SHISA6: variants seen among roughly 807,000 people sequenced by gnomAD.
SHISA6 encodes shisa family member 6, also known as protein shisa-6.
A neutral mutation model predicts 47.9 loss-of-function variants in SHISA6; 22 were observed. That is an observed-to-expected ratio of 0.46 (90% confidence interval 0.33 to 0.66). SHISA6 has a LOEUF of 0.66. SHISA6 is among the 30% of genes least tolerant of loss of function. The pLI, the probability that SHISA6 is intolerant of heterozygous loss-of-function variation, is 0.02. For synonymous variants in SHISA6, 388 were observed against 337.8 expected (o/e 1.15, Z -1.63); for missense variants, 680 against 764.6 (o/e 0.89, Z 1.30).
intron 4 of SHISA6, 25 bp downstream of exon 4, chr17:11,551,977 G>A (rs2071935745): frequency 6.5e-7 from 1 of 1,550,210 alleles, no homozygotes; most frequent in Admixed American, 2.0e-5. Flanking sequence ...AGAGCACTCT[G>A]CATTTCCTCC....
intron 2 of SHISA6, among the ~76,000 whole-genome samples, chr17:11,345,408 A>G (rs1270742440): frequency 6.6e-6 from 1 of 152,138 alleles, no homozygotes; most frequent in Non-Finnish European, 1.5e-5. Context: ...TTGAAATTGG[A>G]AAGTATTAGT....
chr17:11,480,937 T>C (rs902064046), intron 3 of SHISA6, among the ~76,000 whole-genome samples: 18 of 152,052 alleles, frequency 1.2e-4, no homozygotes, highest in East Asian at 1.9e-4. Flanking sequence ...AAATAGAGTA[T>C]ATAAAAACAT....
At chr17:11,480,725 G>A (rs1916189463) in intron 3 of SHISA6, among the ~76,000 whole-genome samples, 1 of 152,198 alleles carries the variant, frequency 6.6e-6, no homozygotes, top group African/African-American at 2.4e-5. Flanking sequence ...TTGTCCACCT[G>A]CTCCTGAGCT....
chr17:11,314,685 A>G (rs1478139423), intron 2 of SHISA6, among the ~76,000 whole-genome samples: 1 of 151,188 alleles, frequency 6.6e-6, no homozygotes, highest in Non-Finnish European at 1.5e-5. Flanking sequence ...ACAGCTGACC[A>G]CCTCCACGCC....
chr17:11,277,258 TC>T (rs1242808002), intron 2 of SHISA6, among the ~76,000 whole-genome samples: 1 of 100,296 alleles, frequency 1.0e-5, no homozygotes, highest in Non-Finnish European at 1.9e-5. Context: ...TCTCTCTCTC[TC>T]TCTCTCTCTC....
intron 2 of SHISA6, among the ~76,000 whole-genome samples, chr17:11,266,663 C>T (rs1354129315): frequency 6.6e-6 from 1 of 152,208 alleles, no homozygotes; most frequent in African/African-American, 2.4e-5. Context: ...ACATAGCAAA[C>T]ACTGACTGTT....
At chr17:11,373,724 G>T (rs2142239896) in intron 2 of SHISA6, among the ~76,000 whole-genome samples, 1 of 152,222 alleles carries the variant, frequency 6.6e-6, no homozygotes, top group South Asian at 2.1e-4. Context: ...TAGAGCTCTG[G>T]TTCATTTAAT....
intron 2 of SHISA6, among the ~76,000 whole-genome samples, chr17:11,275,989 T>G (rs576024209): frequency 6.6e-6 from 1 of 152,170 alleles, no homozygotes; most frequent in Non-Finnish European, 1.5e-5. Context: ...TTTTGTTTTT[T>G]TTTTGAGATG....
At chr17:11,457,942 G>A (rs1245647824) in intron 3 of SHISA6, among the ~76,000 whole-genome samples, 3 of 151,636 alleles carry the variant, frequency 2.0e-5, no homozygotes, top group Non-Finnish European at 2.9e-5. Context: ...AAAATTAGCC[G>A]GGCTTAGTGG....
chr17:11,305,709 A>G (rs951350715), intron 2 of SHISA6, among the ~76,000 whole-genome samples: 3 of 152,170 alleles, frequency 2.0e-5, no homozygotes, highest in Admixed American at 2.0e-4. Flanking sequence ...CTGGACCACA[A>G]CAGTCTGTGC....
intron 3 of SHISA6, among the ~76,000 whole-genome samples, chr17:11,485,551 A>G (rs1375462170): frequency 1.3e-5 from 2 of 152,178 alleles, no homozygotes; most frequent in African/African-American, 4.8e-5. Flanking sequence ...GAAGTTGCTA[A>G]ACATTGCCCC....
At chr17:11,453,377 C>G (rs868018829) in intron 3 of SHISA6, among the ~76,000 whole-genome samples, 1 of 152,204 alleles carries the variant, frequency 6.6e-6, no homozygotes, top group Non-Finnish European at 1.5e-5. Context: ...GCCCTATTCC[C>G]CTCACTCAAG....
intron 3 of SHISA6, among the ~76,000 whole-genome samples, chr17:11,399,273 T>C (rs1913683035): frequency 6.6e-6 from 1 of 152,210 alleles, no homozygotes; most frequent in Admixed American, 6.5e-5. Context: ...TGTGTAGTGC[T>C]GTATTTACTC....
chr17:11,328,614 C>T (rs1910993166), intron 2 of SHISA6, among the ~76,000 whole-genome samples: 1 of 152,200 alleles, frequency 6.6e-6, no homozygotes, highest in South Asian at 2.1e-4. Context: ...AAGTCTAATA[C>T]AGTCACCAAG....
rs1402148748 is a variant in SHISA6 at position 11,241,779 on chromosome 17, C to T, written c.357C>T (p.Tyr119=). The part of the protein sequence containing the change: ...ECNNSESGYL[Y]CCGTCYYRFC... ...ACAACAGCGAGAGCGGCTACCTGTACTGCTGCGGTACCTGCTACTACCGCT... is the reference window on the plus strand; with the variant it reads ...ACAACAGCGAGAGCGGCTACCTGTATTGCTGCGGTACCTGCTACTACCGCT... The change falls in exon 1 of 6, where the codon TAC becomes TAT. Residue 119 remains tyrosine (Y), a synonymous_variant. Transcript: ENST00000441885. The surrounding 1 kb of genome is among the most constrained non-coding windows in gnomAD (Gnocchi z 5.5). The T allele has an allele frequency of 1.3e-6, 2 of 1,549,726 alleles. No individual in the cohort carries two copies. Among genetic ancestry groups the T allele is most frequent in the Non-Finnish European group, 1.7e-6 (2 of 1,146,988 alleles).
At chr17:11,339,183 A>T (rs1241473104) in intron 2 of SHISA6, among the ~76,000 whole-genome samples, 1 of 151,980 alleles carries the variant, frequency 6.6e-6, no homozygotes, top group Non-Finnish European at 1.5e-5. Context: ...AAAAAAAAGA[A>T]AACCACGAGG....
chr17:11,476,422 G>T (rs1436876609), intron 3 of SHISA6, among the ~76,000 whole-genome samples: 1 of 151,976 alleles, frequency 6.6e-6, no homozygotes, highest in Non-Finnish European at 1.5e-5. Flanking sequence ...TCAATGCTAT[G>T]CACTTCCCTC....
intron 2 of SHISA6, among the ~76,000 whole-genome samples, chr17:11,264,660 T>G (rs1231997705): frequency 6.6e-6 from 1 of 152,226 alleles, no homozygotes; most frequent in Admixed American, 6.5e-5. Context: ...CAATGTGATC[T>G]GAACTAAACC....
chr17:11,307,092 C>A (rs1415171653), intron 2 of SHISA6, among the ~76,000 whole-genome samples: 3 of 151,654 alleles, frequency 2.0e-5, no homozygotes, highest in South Asian at 2.1e-4. Context: ...TGCAAAATAA[C>A]CTTTAAGACA....
Sources: gnomAD v4.1 joint callset for allele counts (sites outside exome capture counted in the v4.1 genomes callset) on GRCh38, gnomAD v4.1.1 for gene constraint, Gnocchi (gnomAD v3.1) non-coding constraint, MANE v1.5 for transcripts, NCBI Gene and HGNC (gene_info 2026-07-23, HGNC 2026-07-21) for gene names.